Variants in DCAF17 observed in about 807,000 individuals in gnomAD.
DCAF17 encodes the protein DDB1- and CUL4-associated factor 17.
A neutral mutation model predicts 66.0 loss-of-function variants in DCAF17; 48 were observed. The observed-to-expected ratio is 0.73, with a 90% CI of 0.58 to 0.92. The LOEUF is 0.92. DCAF17 is among the 40% of genes least tolerant of loss of function. DCAF17 has a pLI of 0.00. For missense variants in DCAF17, 562 were observed against 622.8 expected (o/e 0.90, Z 1.04); for synonymous variants, 206 against 214.6 (o/e 0.96, Z 0.35).
intron 2 of DCAF17, among the ~76,000 whole-genome samples, chr2:171,438,188 T>C (rs150748690): frequency 1.3e-5 from 2 of 152,386 alleles, no homozygotes; most frequent in East Asian, 3.9e-4. Flanking sequence ...GTTTTATTGA[T>C]TTGTGGTTTA....
Position 171,481,342 on chromosome 2 carries a change from T to C in DCAF17, c.*228T>C, listed in dbSNP as rs1251266139. 4.9e-6 allele frequency: 3 copies of C among 614,008 alleles called. No homozygotes were observed. The highest frequency in any genetic ancestry group is 9.0e-6 in the Non-Finnish European group (3 of 332,888). 38.0% of individuals were successfully genotyped at this position (614,008 alleles called of 1,614,324 possible). A position where few individuals can be genotyped will look rare whatever the true frequency, so the allele number is the denominator to read the frequency against. On this transcript the variant is annotated 3_prime_UTR_variant, in exon 14 of 14. Transcript: ENST00000375255. ...ATACTGTTCCAAGAAGTTTAGTGTT[T>C]TGCAGCTTTGAGCTAGGTGGTAATG...
chr2:171,449,637 C>T (rs1308445470), intron 4 of DCAF17, among the ~76,000 whole-genome samples: 2 of 151,884 alleles, frequency 1.3e-5, no homozygotes, highest in Non-Finnish European at 2.9e-5. Flanking sequence ...ACTCTTAGAT[C>T]GAAAACAATT....
chr2:171,480,314 G>A lies in DCAF17; in HGVS notation c.1422+121G>A, dbSNP rs1483736515. 3.1e-6 allele frequency: 4 copies of A among 1,304,668 alleles called. No individual in the cohort carries two copies. The East Asian group carries it at 7.5e-5, about 25-fold the overall frequency. 80.8% of individuals were successfully genotyped at this position (1,304,668 alleles called of 1,614,324 possible). ...CACCTATGCCAATGACCATGTGAAA[G>A]AGGTTTTGTCCTATATACAGGACAA... On this transcript the variant is annotated intron_variant, in intron 13 of 13. Transcript: ENST00000375255.
intron 5 of DCAF17, among the ~76,000 whole-genome samples, chr2:171,452,452 T>G (rs1033775793): frequency 6.6e-6 from 1 of 152,012 alleles, no homozygotes; most frequent in African/African-American, 2.4e-5. Flanking sequence ...ACAACACTAC[T>G]TTCATTATAT....
chr2:171,477,807 C>A (rs1173954266), intron 11 of DCAF17, among the ~76,000 whole-genome samples, 180 bp from the exon 12 acceptor site: 1 of 152,112 alleles, frequency 6.6e-6, no homozygotes, highest in African/African-American at 2.4e-5. Flanking sequence ...CAGAATGAGA[C>A]CCTGTCTCAA....
At chr2:171,445,132 A>AT (rs145804939) in intron 3 of DCAF17, among the ~76,000 whole-genome samples, 32,992 of 146,584 alleles carry the variant, frequency 0.23, 3,735 homozygotes, top group Admixed American at 0.29. Flanking sequence ...TATTCTCACT[A>AT]TTTTTTTTTT....
At chr2:171,436,963 C>G (rs1044232082) in intron 2 of DCAF17, among the ~76,000 whole-genome samples, 3 of 151,716 alleles carry the variant, frequency 2.0e-5, no homozygotes, top group Admixed American at 6.6e-5. Context: ...TGGTAGAGAC[C>G]GGGTTTCTCC....
At chr2:171,458,652 G>C (rs1282677649) in intron 8 of DCAF17, among the ~76,000 whole-genome samples, 175 bp downstream of exon 8, 2 of 152,186 alleles carry the variant, frequency 1.3e-5, no homozygotes, top group African/African-American at 4.8e-5. Context: ...AGGAAAATCT[G>C]TCAGTTATTC....
At chr2:171,450,105 CAT>C in intron 5 of DCAF17, 148 bp downstream of exon 5, 1 of 644,298 alleles carries the variant, frequency 1.6e-6, no homozygotes, top group South Asian at 1.8e-5. Context: ...GATCGGAGAC[CAT>C]TATTCTAAGT....
chr2:171,458,993 C>A (rs1257470698), intron 8 of DCAF17, among the ~76,000 whole-genome samples: 7 of 152,206 alleles, frequency 4.6e-5, no homozygotes, highest in Non-Finnish European at 7.4e-5. Context: ...CTATATTTAG[C>A]TTATGAAATT....
intron 3 of DCAF17, among the ~76,000 whole-genome samples, chr2:171,447,726 T>C (rs192434357): frequency 6.6e-6 from 1 of 152,360 alleles, no homozygotes; most frequent in Admixed American, 6.5e-5. Context: ...GATATCGAAC[T>C]CCTGGGCTCA....
chr2:171,434,332 A>C lies in DCAF17; in HGVS notation c.-246A>C, dbSNP rs1053560057. The C allele has an allele frequency of 1.4e-6, 1 of 690,578 alleles. No individual in the cohort carries two copies. The highest frequency in any genetic ancestry group is 1.8e-5 in the African/African-American group (1 of 56,286). The allele number at this position is 690,578 out of a possible 1,614,324, so 42.8% of individuals were successfully genotyped here. The stretch of plus-strand genomic sequence containing the variant: ...AGCGTCGCACTGTCAGCGGCCAGAG[A>C]GCCTGGGGCAGATCGAAAAGGGAGT... On this transcript the variant is annotated 5_prime_UTR_variant, in exon 1 of 14. Transcript: ENST00000375255.
intron 2 of DCAF17, among the ~76,000 whole-genome samples, chr2:171,436,633 A>T (rs1323679739): frequency 1.0e-4 from 15 of 144,588 alleles, no homozygotes; most frequent in Admixed American, 3.4e-4. Flanking sequence ...CCACTTGTAA[A>T]TTTTTTTTTT....
At chr2:171,435,057 G>T in intron 1 of DCAF17, 26 bp from the exon 2 acceptor site, 1 of 1,519,092 alleles carries the variant, frequency 6.6e-7, no homozygotes, top group South Asian at 1.1e-5. Context: ...GTTCTTTCCT[G>T]AACGGAAATT....
intron 10 of DCAF17, among the ~76,000 whole-genome samples, chr2:171,474,631 G>T (rs189511106): frequency 4.5e-4 from 69 of 152,198 alleles, no homozygotes; most frequent in African/African-American, 1.6e-3. Flanking sequence ...ACTCCAAAAT[G>T]TATATACCAG....
At position 171,483,548 on chromosome 2, in the gene DCAF17, A is replaced by G. The variant is rs1356183594; in HGVS notation, c.*2434A>G. 8.8e-6 allele frequency: 4 copies of G among 454,102 alleles called. No individual in the cohort carries two copies. Among genetic ancestry groups the G allele is most frequent in the Non-Finnish European group, 1.8e-5 (4 of 226,788 alleles). The allele number at this position is 454,102 out of a possible 1,614,324, so 28.1% of individuals were successfully genotyped here. Reference sequence around the variant, plus strand: ...GAGAAAACAAAACAAATCCTATCCTATTTACTATTTGTGCTACCTAGTGAG... The same window carrying G: ...GAGAAAACAAAACAAATCCTATCCTGTTTACTATTTGTGCTACCTAGTGAG... On this transcript the variant is annotated 3_prime_UTR_variant, in exon 14 of 14. Coordinates refer to ENST00000375255, the MANE Select transcript of DCAF17 (RefSeq NM_025000.4).
intron 1 of DCAF17, 63 bp from the exon 2 acceptor site, chr2:171,435,020 A>G (rs1693760195): frequency 2.2e-6 from 3 of 1,336,832 alleles, no homozygotes; most frequent in Non-Finnish European, 3.2e-6. Context: ...TGCTTTGAAA[A>G]TTTAAAATCT....
chr2:171,457,770 A>C (rs1327587234), intron 6 of DCAF17, among the ~76,000 whole-genome samples: 1 of 152,234 alleles, frequency 6.6e-6, no homozygotes, highest in Non-Finnish European at 1.5e-5. Context: ...TTAGTGCTCC[A>C]GTATGAGAAT....
intron 9 of DCAF17, among the ~76,000 whole-genome samples, chr2:171,472,167 A>G (rs527260140): frequency 3.3e-5 from 5 of 151,988 alleles, no homozygotes; most frequent in South Asian, 4.2e-4. Flanking sequence ...TAGCACGTCT[A>G]TACTTTTGGT....
Sources: gnomAD v4.1 joint callset for allele counts (sites outside exome capture counted in the v4.1 genomes callset) on GRCh38, gnomAD v4.1.1 for gene constraint, MANE v1.5 for transcripts, NCBI Gene and HGNC (gene_info 2026-07-23, HGNC 2026-07-21) for gene names.